DLG2: variants seen among roughly 807,000 people sequenced by gnomAD.
The protein encoded by DLG2 is disks large homolog 2.
A neutral mutation model predicts 132.5 loss-of-function variants in DLG2; 45 were observed. The observed-to-expected ratio is 0.34, with a 90% CI of 0.27 to 0.44. The LOEUF (loss-of-function observed/expected upper bound fraction) is 0.44, where lower values mean the gene tolerates loss of function less well. Among genes scored for constraint, DLG2 ranks in the 20% least tolerant of loss-of-function variants. The probability of loss-of-function intolerance (pLI) is 1.00; values close to 1 mark genes in which losing one functional copy is unlikely to be tolerated. For synonymous variants in DLG2, 424 were observed against 419.6 expected (o/e 1.01, Z -0.13); for missense variants, 1,045 against 1,196.9 (o/e 0.87, Z 1.87).
chr11:83,840,670 G>A (rs1418835512), intron 16 of DLG2, among the ~76,000 whole-genome samples: 1 of 152,126 alleles, frequency 6.6e-6, no homozygotes, highest in Non-Finnish European at 1.5e-5. Flanking sequence ...AAATTTCCCA[G>A]AATTCAAATA....
chr11:85,116,191 A>T (rs572626821), intron 5 of DLG2, among the ~76,000 whole-genome samples: 1 of 152,126 alleles, frequency 6.6e-6, no homozygotes, highest in Non-Finnish European at 1.5e-5. Context: ...TACTTTAGAA[A>T]TGTAATGGAT....
At chr11:83,777,989 A>G (rs2094655243) in intron 18 of DLG2, among the ~76,000 whole-genome samples, 3 of 152,188 alleles carry the variant, frequency 2.0e-5, no homozygotes, top group Admixed American at 1.3e-4. Context: ...GGCGTGCTCA[A>G]TAAAGTTGCA....
intron 15 of DLG2, among the ~76,000 whole-genome samples, chr11:83,899,692 C>T (rs1048347539): frequency 3.9e-5 from 6 of 152,264 alleles, no homozygotes; most frequent in Non-Finnish European, 5.9e-5. Context: ...TCTCCAGCCA[C>T]GTGGAAATGT....
chr11:85,387,038 C>T (rs192295352), intron 3 of DLG2, among the ~76,000 whole-genome samples: 176 of 151,992 alleles, frequency 1.2e-3, no homozygotes, highest in African/African-American at 4.1e-3. Context: ...CAGGCACACA[C>T]CACCACACTC....
In DLG2 at chr11:85,292,624, C is replaced by CGAAGGAAGGAAGGAAGGAAGGAAG. The variant is rs1409506457; in HGVS notation, c.41-7283_41-7260dup. ...CTTCTGTGCCTAGACAAAGCACAAC[C>CGAAGGAAGGAAGGAAGGAAGGAAG]GAAGGAAGGAAGGAAGGAAGGAAGG... On this transcript the variant is annotated intron_variant, in intron 3 of 27. Transcript: ENST00000376104. 9.7e-3 allele frequency among the ~76,000 whole-genome samples: 140 copies of CGAAGGAAGGAAGGAAGGAAGGAAG among 14,486 alleles called. 15 individuals are homozygous for CGAAGGAAGGAAGGAAGGAAGGAAG. Among genetic ancestry groups the CGAAGGAAGGAAGGAAGGAAGGAAG allele is most frequent in the East Asian group, 0.057 (33 of 584 alleles). The allele number at this position is 14,486 out of a possible 152,430, so 9.5% of individuals were successfully genotyped here.
chr11:84,912,167 T>TTTA (rs1472169570), intron 6 of DLG2, among the ~76,000 whole-genome samples: 1 of 133,090 alleles, frequency 7.5e-6, no homozygotes. Context: ...TTATTTATTT[T>TTTA]AAGACGGAGT....
At chr11:84,062,730 G>A (rs990449944) in intron 10 of DLG2, among the ~76,000 whole-genome samples, 10 of 90,820 alleles carry the variant, frequency 1.1e-4, no homozygotes, top group African/African-American at 3.2e-4. Context: ...AGAGTTGATT[G>A]TTTTAATTTT....
rs539051811 is a variant in DLG2 at position 83,466,246 on chromosome 11, T to A, written c.2729+462A>T. Among the ~76,000 whole-genome samples, 9 of 152,030 alleles carry A rather than the reference T, an allele frequency of 5.9e-5. No homozygotes were observed. In the South Asian group the frequency reaches 1.9e-3, roughly 32 times the overall value. On this transcript the variant is annotated intron_variant, in intron 26 of 27. Coordinates refer to ENST00000376104, the MANE Select transcript of DLG2 (RefSeq NM_001142699.3). ...AAAGTCTCAAACGTTGTCTGCTCTCTCTATAAAAAATCTACACATTTAAAA... is the reference window on the plus strand; with the variant it reads ...AAAGTCTCAAACGTTGTCTGCTCTCACTATAAAAAATCTACACATTTAAAA...
At position 83,588,745 on chromosome 11, in the gene DLG2, A is replaced by C. The variant is rs926745093; in HGVS notation, c.1940+44466T>G. ...GCAAAGAAGTTGAAAACTTTGAAAA[A>C]AATTTAGAAGAATGTATAACTAGAA... On this transcript the variant is annotated intron_variant, in intron 19 of 27. Coordinates refer to ENST00000376104, the MANE Select transcript of DLG2 (RefSeq NM_001142699.3). Among the ~76,000 whole-genome samples, 91 of 151,936 alleles carry C rather than the reference A, an allele frequency of 6.0e-4. 1 individual carries two copies. The highest frequency in any genetic ancestry group is 3.3e-3 in the Admixed American group (50 of 15,274).
chr11:84,136,191 C>T (rs904502695), intron 9 of DLG2, among the ~76,000 whole-genome samples: 1 of 152,056 alleles, frequency 6.6e-6, no homozygotes, highest in African/African-American at 2.4e-5. Context: ...CTTACTAAGC[C>T]TTAGTTTCTT....
At chr11:83,566,098 T>C (rs1469590018) in intron 19 of DLG2, among the ~76,000 whole-genome samples, 2 of 152,194 alleles carry the variant, frequency 1.3e-5, no homozygotes, top group African/African-American at 2.4e-5. Context: ...TTCCTAGAAA[T>C]ATAATTTCCC....
chr11:85,358,897 T>C lies in DLG2; in HGVS notation c.41-73532A>G, dbSNP rs143526120. 1.2e-3 allele frequency among the ~76,000 whole-genome samples: 183 copies of C among 152,334 alleles called. 1 individual carries two copies. The highest frequency in any genetic ancestry group is 4.2e-3 in the African/African-American group (175 of 41,588). Reference sequence around the variant, plus strand: ...TTAAAACAAAATGGCATCTATTTCCTCACAGCTAATTACTTTTTTTCTTTA... The same window carrying C: ...TTAAAACAAAATGGCATCTATTTCCCCACAGCTAATTACTTTTTTTCTTTA... On this transcript the variant is annotated intron_variant, in intron 3 of 27. Transcript: ENST00000376104.
intron 18 of DLG2, among the ~76,000 whole-genome samples, chr11:83,668,653 A>G (rs2076157762): frequency 6.6e-6 from 1 of 151,382 alleles, no homozygotes; most frequent in Non-Finnish European, 1.5e-5. Flanking sequence ...ACACATGTGT[A>G]TGTATATATG....
intron 3 of DLG2, among the ~76,000 whole-genome samples, chr11:85,544,767 G>A (rs1007836908): frequency 3.3e-5 from 5 of 152,156 alleles, no homozygotes; most frequent in Admixed American, 6.5e-5. Flanking sequence ...GTGAATGGGA[G>A]TTCACTCATG....
At chr11:83,630,878 G>A (rs1317945857) in intron 19 of DLG2, among the ~76,000 whole-genome samples, 1 of 152,148 alleles carries the variant, frequency 6.6e-6, no homozygotes, top group Non-Finnish European at 1.5e-5. Context: ...ATAAAGCTAA[G>A]TAAAGTGAGG....
At chr11:84,801,479 G>A (rs1042241000) in intron 6 of DLG2, among the ~76,000 whole-genome samples, 5 of 152,214 alleles carry the variant, frequency 3.3e-5, no homozygotes, top group African/African-American at 1.2e-4. Context: ...GCTGAGGCAG[G>A]AGAATGGCGT....
chr11:84,725,492 T>C (rs996218013), intron 6 of DLG2, among the ~76,000 whole-genome samples: 6 of 152,288 alleles, frequency 3.9e-5, no homozygotes, highest in South Asian at 2.1e-4. Flanking sequence ...ATTTTTATCA[T>C]TGAGTTTCCT....
intron 14 of DLG2, among the ~76,000 whole-genome samples, chr11:83,954,201 T>A (rs73509841): frequency 1.3e-5 from 2 of 152,186 alleles, no homozygotes; most frequent in African/African-American, 4.8e-5. Context: ...AAACAGCAGC[T>A]TAACGTGTTT....
chr11:84,565,942 T>G (rs1295084486), intron 6 of DLG2, among the ~76,000 whole-genome samples: 2 of 151,172 alleles, frequency 1.3e-5, no homozygotes, highest in East Asian at 3.9e-4. Flanking sequence ...ATTTCCACGT[T>G]AAATTTCATA....
Sources: gnomAD v4.1 joint callset for allele counts (sites outside exome capture counted in the v4.1 genomes callset) on GRCh38, gnomAD v4.1.1 for gene constraint, MANE v1.5 for transcripts, NCBI Gene and HGNC (gene_info 2026-07-23, HGNC 2026-07-21) for gene names.